The following ANO10 variants were observed in gnomAD, a reference collection of about 807,000 sequenced individuals.
ANO10 encodes the protein anoctamin-10.
ANO10 carries 77 observed loss-of-function variants against 74.7 expected under a neutral mutation model. The observed-to-expected ratio is 1.03, with a 90% CI of 0.86 to 1.25. ANO10 has a LOEUF of 1.25. Among genes scored for constraint, ANO10 ranks in the 50% most tolerant of loss-of-function variants. The pLI is 0.00. For missense variants in ANO10, 721 were observed against 778.1 expected (o/e 0.93, Z 0.87); for synonymous variants, 279 against 284.9 (o/e 0.98, Z 0.21).
At chr3:43,404,871 T>G (rs2092547350) in intron 12 of ANO10, among the ~76,000 whole-genome samples, 1 of 96,328 alleles carries the variant, frequency 1.0e-5, no homozygotes, top group African/African-American at 4.9e-5. Context: ...AGCAAGAACC[T>G]GTCTCAAAAA....
rs550938188 is a variant in ANO10, at chr3:43,676,938, G to A, written c.-12+14579C>T. On this transcript the variant is annotated intron_variant, in intron 1 of 3. Coordinates refer to the ANO10 transcript ENST00000413397. ...GAAAGGGGGATGATTTCTATAAAAG[G>A]AATGCAAAACAAAATTAACAAACTA... Among the ~76,000 whole-genome samples, 6 of 152,122 alleles carry A rather than the reference G, an allele frequency of 3.9e-5. No individual in the cohort carries two copies. In the South Asian group the frequency reaches 1.2e-3, roughly 32 times the overall value.
At chr3:43,466,369 C>CAAAAAAAAAAAAAAAA (rs36126977) in intron 11 of ANO10, among the ~76,000 whole-genome samples, 9 of 45,348 alleles carry the variant, frequency 2.0e-4, no homozygotes, top group Admixed American at 3.1e-4. Flanking sequence ...GACTCCATCT[C>CAAAAAAAAAAAAAAAA]AAAAAAAAAA....
intron 1 of ANO10, among the ~76,000 whole-genome samples, chr3:43,643,485 G>A (rs985993865): frequency 1.3e-5 from 2 of 151,714 alleles, no homozygotes; most frequent in African/African-American, 2.4e-5. Context: ...AAAATGTTTG[G>A]ATCCAGAAGA....
At chr3:43,484,754 T>C (rs892919166) in intron 11 of ANO10, among the ~76,000 whole-genome samples, 9 of 152,012 alleles carry the variant, frequency 5.9e-5, no homozygotes, top group Admixed American at 2.6e-4. Flanking sequence ...AAGAACACAG[T>C]TTTTCAGGTT....
intron 9 of ANO10, among the ~76,000 whole-genome samples, chr3:43,557,654 A>G (rs1315686296): frequency 6.6e-6 from 1 of 150,926 alleles, no homozygotes; most frequent in Non-Finnish European, 1.5e-5. Flanking sequence ...AGAATGGTAT[A>G]AACCTGGGAG....
intron 6 of ANO10, among the ~76,000 whole-genome samples, chr3:43,576,231 G>A (rs1386872884): frequency 6.6e-6 from 1 of 151,570 alleles, no homozygotes; most frequent in Non-Finnish European, 1.5e-5. Context: ...TCTTTCTTCT[G>A]TGGCTCTAGC....
At chr3:43,559,567 C>T (rs2079925051) in intron 9 of ANO10, among the ~76,000 whole-genome samples, 1 of 151,934 alleles carries the variant, frequency 6.6e-6, no homozygotes, top group Admixed American at 6.6e-5. Flanking sequence ...CTTGGTGGAG[C>T]AGTTAGGAGG....
intron 11 of ANO10, among the ~76,000 whole-genome samples, chr3:43,496,971 T>A (rs1367350388): frequency 1.3e-5 from 2 of 152,206 alleles, no homozygotes; most frequent in Non-Finnish European, 2.9e-5. Flanking sequence ...TTTCCTATAT[T>A]CATATACTGC....
chr3:43,680,440 C>A (rs1220875526), intron 1 of ANO10, among the ~76,000 whole-genome samples: 1 of 152,098 alleles, frequency 6.6e-6, no homozygotes, highest in Non-Finnish European at 1.5e-5. Flanking sequence ...TGTGAAAAGA[C>A]CAAATCTACG....
intron 9 of ANO10, among the ~76,000 whole-genome samples, chr3:43,558,882 T>G (rs944491927): frequency 6.6e-6 from 1 of 151,840 alleles, no homozygotes; most frequent in African/African-American, 2.4e-5. Context: ...GAGTGGGAAA[T>G]GGCCAGATCA....
At chr3:43,678,071 T>C (rs1046585039) in intron 1 of ANO10, among the ~76,000 whole-genome samples, 2 of 152,204 alleles carry the variant, frequency 1.3e-5, no homozygotes, top group African/African-American at 4.8e-5. Flanking sequence ...AAATTCCAAG[T>C]GCATTTAATA....
chr3:43,397,452 T>C (rs2092403261), intron 12 of ANO10, among the ~76,000 whole-genome samples: 1 of 152,158 alleles, frequency 6.6e-6, no homozygotes, highest in Non-Finnish European at 1.5e-5. Context: ...TGTTCTAGGA[T>C]ACAGTTAAGT....
At chr3:43,567,306 A>G (rs1458562205) in intron 7 of ANO10, among the ~76,000 whole-genome samples, 1 of 151,254 alleles carries the variant, frequency 6.6e-6, no homozygotes, top group Non-Finnish European at 1.5e-5. Context: ...AGGCAGGCCA[A>G]CGTTCAGATT....
At chr3:43,636,077 G>C (rs560205044) in intron 1 of ANO10, among the ~76,000 whole-genome samples, 1 of 152,010 alleles carries the variant, frequency 6.6e-6, no homozygotes, top group African/African-American at 2.4e-5. Context: ...AGGTTTCCCC[G>C]GAAGCAGACC....
intron 12 of ANO10, among the ~76,000 whole-genome samples, chr3:43,376,554 T>C (rs1466908101): frequency 6.6e-6 from 1 of 152,192 alleles, no homozygotes; most frequent in Admixed American, 6.5e-5. Context: ...CCATCAACTA[T>C]GTGTGTTATG....
chr3:43,500,746 C>T (rs1312985811), intron 11 of ANO10, among the ~76,000 whole-genome samples: 3 of 152,184 alleles, frequency 2.0e-5, no homozygotes, highest in African/African-American at 7.2e-5. Flanking sequence ...ACAAACACAA[C>T]CATTACAGAA....
At chr3:43,652,519 T>C (rs991107555) in intron 1 of ANO10, among the ~76,000 whole-genome samples, 1 of 152,174 alleles carries the variant, frequency 6.6e-6, no homozygotes, top group Admixed American at 6.5e-5. Context: ...AAATAAATCA[T>C]AGATTTAAAT....
intron 11 of ANO10, among the ~76,000 whole-genome samples, chr3:43,447,356 C>T (rs550831480): frequency 6.6e-6 from 1 of 152,320 alleles, no homozygotes; most frequent in South Asian, 2.1e-4. Flanking sequence ...TCCTCCACAG[C>T]CTTGTCGACC....
chr3:43,568,835 CA>C (rs2080524468), intron 7 of ANO10, among the ~76,000 whole-genome samples: 6 of 148,066 alleles, frequency 4.1e-5, no homozygotes, highest in South Asian at 4.2e-4. Context: ...TAACTAAAAT[CA>C]GAGCAGAACT....
Sources: gnomAD v4.1 joint callset for allele counts (sites outside exome capture counted in the v4.1 genomes callset) on GRCh38, gnomAD v4.1.1 for gene constraint, MANE v1.5 for transcripts, NCBI Gene and HGNC (gene_info 2026-07-23, HGNC 2026-07-21) for gene names.